SLC39A11: variants seen among roughly 807,000 people sequenced by gnomAD.
SLC39A11 encodes zinc transporter ZIP11.
In SLC39A11, 33 loss-of-function variants were observed where a neutral mutation model predicts 36.1. The ratio of observed to expected loss-of-function variants is 0.91; its 90% confidence interval spans 0.69 to 1.22. The LOEUF is 1.22. Ranked by LOEUF, SLC39A11 falls within the 50% of genes most tolerant of loss-of-function variation. The pLI, the probability that SLC39A11 is intolerant of heterozygous loss-of-function variation, is 0.00. For missense variants in SLC39A11, 432 were observed against 430.3 expected (o/e 1.00, Z -0.03); for synonymous variants, 166 against 170.3 (o/e 0.97, Z 0.20).
chr17:72,766,645 A>T (rs764989470), intron 6 of SLC39A11, among the ~76,000 whole-genome samples: 2 of 152,246 alleles, frequency 1.3e-5, no homozygotes, highest in Non-Finnish European at 2.9e-5. Context: ...CGCAGTTTTC[A>T]ATATAACTTA....
chr17:72,905,694 CCAACATCTACTGT>C (rs1395903151), intron 5 of SLC39A11, among the ~76,000 whole-genome samples: 1 of 152,084 alleles, frequency 6.6e-6, no homozygotes, highest in African/African-American at 2.4e-5. Flanking sequence ...TGGGCTCTAC[CCAACATCTACTGT>C]CAACCCTGAC....
chr17:73,006,275 T>C (rs1324623459), intron 4 of SLC39A11, among the ~76,000 whole-genome samples: 1 of 152,194 alleles, frequency 6.6e-6, no homozygotes, highest in African/African-American at 2.4e-5. Context: ...AAGGGCAACA[T>C]ATAAATAAAT....
At chr17:72,926,349 G>C (rs1865582379) in intron 5 of SLC39A11, among the ~76,000 whole-genome samples, 1 of 152,148 alleles carries the variant, frequency 6.6e-6, no homozygotes, top group South Asian at 2.1e-4. Context: ...GAGACCAAAA[G>C]AAAGTCAGCT....
At chr17:72,825,642 G>C (rs916720011) in intron 6 of SLC39A11, among the ~76,000 whole-genome samples, 3 of 152,224 alleles carry the variant, frequency 2.0e-5, no homozygotes, top group Non-Finnish European at 2.9e-5. Flanking sequence ...GCAGCCAAGA[G>C]GCTGTACCGC....
In SLC39A11 at chr17:73,044,724, A is replaced by C. The variant is rs2059216129; in HGVS notation, c.148-13010T>G. On this transcript the variant is annotated intron_variant, in intron 3 of 9. Coordinates refer to ENST00000255559, the MANE Select transcript of SLC39A11 (RefSeq NM_139177.4). ...CCTCACCTCTACAAAAAATACAAAA[A>C]TTAGCTGGGGATGGTGGTGGGTACC... Among the ~76,000 whole-genome samples the C allele has an allele frequency of 2.0e-5, 3 of 152,164 alleles. No homozygotes were observed. In the South Asian group the frequency reaches 6.2e-4, roughly 32 times the overall value.
chr17:72,716,987 A>G (rs1369315205), intron 7 of SLC39A11, among the ~76,000 whole-genome samples: 2 of 131,764 alleles, frequency 1.5e-5, no homozygotes, highest in Non-Finnish European at 3.1e-5. Context: ...AAAAATATAT[A>G]TATATACACA....
At chr17:72,832,944 G>A (rs990063341) in intron 6 of SLC39A11, among the ~76,000 whole-genome samples, 13 of 152,220 alleles carry the variant, frequency 8.5e-5, no homozygotes, top group Non-Finnish European at 1.3e-4. Flanking sequence ...ATCAGCAGAT[G>A]AGATGGCTCC....
At position 73,010,291 on chromosome 17, in the gene SLC39A11, G is replaced by A. The variant is rs370562007; in HGVS notation, c.306+21265C>T. On this transcript the variant is annotated intron_variant, in intron 4 of 9. Coordinates refer to ENST00000255559, the MANE Select transcript of SLC39A11 (RefSeq NM_139177.4). ...AGACCCTTTCTCCCTTTTCATCTTC[G>A]GACTGTTACTTAATCAACTGCAGGA... Among the ~76,000 whole-genome samples, 242 of 152,146 alleles carry A rather than the reference G, an allele frequency of 1.6e-3. 2 individuals are homozygous for A. The highest frequency in any genetic ancestry group is 5.5e-3 in the African/African-American group (230 of 41,506).
At chr17:72,984,247 C>A (rs948149805) in intron 4 of SLC39A11, among the ~76,000 whole-genome samples, 1 of 152,030 alleles carries the variant, frequency 6.6e-6, no homozygotes, top group Non-Finnish European at 1.5e-5. Context: ...TTGCATTGCA[C>A]AGAGCATGGG....
chr17:72,782,687 C>CAAAAA (rs72447211), intron 6 of SLC39A11, among the ~76,000 whole-genome samples: 2 of 62,474 alleles, frequency 3.2e-5, no homozygotes, highest in Non-Finnish European at 5.8e-5. Context: ...GACCCCATCT[C>CAAAAA]AAAAAAAAAA....
In SLC39A11 at chr17:72,947,759, G is replaced by A; in HGVS notation, c.423C>T (p.Ile141=). The change falls in exon 5 of 10, where the codon ATC becomes ATT. Residue 141 remains isoleucine (I), a synonymous_variant. Coordinates refer to ENST00000255559, the MANE Select transcript of SLC39A11 (RefSeq NM_139177.4). ...AAAGAAGCCCAGCTCTACCTATCCG[G>A]ATGGAAAGTTCACTCTCAGGGAAGA... is the stretch of plus-strand genomic sequence containing the variant. ...ALLFPESELS[I]RIDKSENGEA... 1 of 1,614,022 alleles carries A rather than the reference G, an allele frequency of 6.2e-7. No individual in the cohort carries two copies. The highest frequency in any genetic ancestry group is 8.5e-7 in the Non-Finnish European group (1 of 1,180,030).
Position 72,923,204 on chromosome 17 carries a change from C to G in SLC39A11, c.430+24548G>C, listed in dbSNP as rs571234719. On this transcript the variant is annotated intron_variant, in intron 5 of 9. Transcript: ENST00000255559. The stretch of plus-strand genomic sequence containing the variant: ...ATACATCCCTGCACAATGTCATACA[C>G]TGTGTGGGGCTATGGACCACCCTGC... 3.2e-4 allele frequency among the ~76,000 whole-genome samples: 49 copies of G among 152,204 alleles called. No individual in the cohort carries two copies. In the South Asian group the frequency reaches 9.3e-3, roughly 29 times the overall value.
At chr17:72,750,358 C>T (rs1319593681) in intron 6 of SLC39A11, among the ~76,000 whole-genome samples, 1 of 151,692 alleles carries the variant, frequency 6.6e-6, no homozygotes, top group African/African-American at 2.4e-5. Context: ...GAGCCTCACC[C>T]CATCCCACAG....
chr17:72,933,371 G>A (rs2084542837), intron 5 of SLC39A11, among the ~76,000 whole-genome samples: 1 of 152,182 alleles, frequency 6.6e-6, no homozygotes, highest in Admixed American at 6.5e-5. Flanking sequence ...GGTAGAGTAT[G>A]TATGATGAAG....
At chr17:72,793,112 AG>A (rs2076770663) in intron 6 of SLC39A11, among the ~76,000 whole-genome samples, 1 of 152,200 alleles carries the variant, frequency 6.6e-6, no homozygotes, top group East Asian at 1.9e-4. Flanking sequence ...CCTGTAAGTC[AG>A]GGAGTGAGGA....
intron 7 of SLC39A11, among the ~76,000 whole-genome samples, chr17:72,678,632 G>A (rs1211108500): frequency 1.3e-5 from 2 of 152,038 alleles, no homozygotes; most frequent in African/African-American, 4.8e-5. Flanking sequence ...TTGAACCCAG[G>A]AGGCAAAGGT....
Position 73,091,624 on chromosome 17 carries a change from G to A in SLC39A11, c.-12+987C>T, listed in dbSNP as rs182383391. ...AAAAGTTTCTGGCAGAGTCCCAAGAGAACAAGAAGTTTTCTCTAACCGGCA... is the reference window on the plus strand; with the variant it reads ...AAAAGTTTCTGGCAGAGTCCCAAGAAAACAAGAAGTTTTCTCTAACCGGCA... On this transcript the variant is annotated intron_variant, in intron 1 of 9. Coordinates refer to ENST00000255559, the MANE Select transcript of SLC39A11 (RefSeq NM_139177.4). Among the ~76,000 whole-genome samples, 222 of 152,212 alleles carry A rather than the reference G, an allele frequency of 1.5e-3. 1 individual carries two copies. Among genetic ancestry groups the A allele is most frequent in the African/African-American group, 5.1e-3 (210 of 41,508 alleles).
chr17:72,883,575 G>A (rs911424988), intron 5 of SLC39A11, among the ~76,000 whole-genome samples: 4 of 151,272 alleles, frequency 2.6e-5, no homozygotes, highest in Admixed American at 2.6e-4. Flanking sequence ...TGTTCTCCCG[G>A]TGGATTGTGT....
chr17:72,954,999 T>TGG (rs1481867038), intron 4 of SLC39A11, among the ~76,000 whole-genome samples: 1 of 152,210 alleles, frequency 6.6e-6, no homozygotes, highest in Non-Finnish European at 1.5e-5. Context: ...TTTAAGTACT[T>TGG]GGTCTCTCCT....
Sources: gnomAD v4.1 joint callset for allele counts (sites outside exome capture counted in the v4.1 genomes callset) on GRCh38, gnomAD v4.1.1 for gene constraint, MANE v1.5 for transcripts, NCBI Gene and HGNC (gene_info 2026-07-23, HGNC 2026-07-21) for gene names.